Variants in NPR3 observed in about 807,000 individuals in gnomAD.
The protein encoded by NPR3 is natriuretic peptide receptor 3.
In NPR3, 34 loss-of-function variants were observed where a neutral mutation model predicts 54.5. The observed-to-expected ratio is 0.62, with a 90% CI of 0.47 to 0.83. The LOEUF (loss-of-function observed/expected upper bound fraction) is 0.83. NPR3 is among the 40% of genes least tolerant of loss of function. NPR3 has a pLI of 0.00. For missense variants in NPR3, 674 were observed against 720.8 expected (o/e 0.94, Z 0.74); for synonymous variants, 289 against 297.1 (o/e 0.97, Z 0.28).
intron 3 of NPR3, among the ~76,000 whole-genome samples, chr5:32,751,433 G>A (rs112720062): frequency 2.0e-5 from 3 of 152,308 alleles, no homozygotes; most frequent in Non-Finnish European, 4.4e-5. Flanking sequence ...CCAAAGGAGG[G>A]AAGGCAGGGT....
chr5:32,709,846 A>T (rs545806948), upstream of NPR3: 1 of 152,144 alleles, frequency 6.6e-6, no homozygotes, highest in Admixed American at 6.5e-5. Context: ...GCCTCGGAGT[A>T]AAAAACGCAG....
intron 3 of NPR3, among the ~76,000 whole-genome samples, chr5:32,755,140 G>A (rs557943049): frequency 1.3e-5 from 2 of 152,342 alleles, no homozygotes; most frequent in East Asian, 1.9e-4. Flanking sequence ...GATTACAGGC[G>A]TGAGCCACCG....
chr5:32,721,463 C>T (rs1397483260), intron 1 of NPR3, among the ~76,000 whole-genome samples: 2 of 152,078 alleles, frequency 1.3e-5, no homozygotes, highest in African/African-American at 4.8e-5. Flanking sequence ...GCCAACATGA[C>T]AAAACTCTAT....
At chr5:32,755,261 A>G (rs1241253090) in intron 3 of NPR3, among the ~76,000 whole-genome samples, 1 of 152,068 alleles carries the variant, frequency 6.6e-6, no homozygotes, top group Middle Eastern at 3.2e-3. Flanking sequence ...ATCTTAGGTT[A>G]TTTTTCCTTT....
At chr5:32,707,738 G>A (rs1400800982), upstream of NPR3, among the ~76,000 whole-genome samples, 4 of 152,168 alleles carry the variant, frequency 2.6e-5, no homozygotes, top group Non-Finnish European at 2.9e-5. Context: ...TTTAGAGGTT[G>A]CAGCCAGGAT....
chr5:32,774,387 G>T (rs1741926028), intron 3 of NPR3, among the ~76,000 whole-genome samples: 2 of 152,164 alleles, frequency 1.3e-5, no homozygotes, highest in African/African-American at 4.8e-5. Context: ...GATAGAGGCA[G>T]ATGTGGGGAA....
At chr5:32,737,002 C>CT (rs1379089914) in intron 2 of NPR3, among the ~76,000 whole-genome samples, 2 of 152,150 alleles carry the variant, frequency 1.3e-5, no homozygotes, top group African/African-American at 4.8e-5. Flanking sequence ...TTCTTTGTCT[C>CT]TGCCTTTTCT....
chr5:32,741,014 C>G (rs1181543045), intron 3 of NPR3, among the ~76,000 whole-genome samples: 2 of 135,920 alleles, frequency 1.5e-5, no homozygotes, highest in Admixed American at 1.6e-4. Context: ...ACATCAAACT[C>G]TTTTACATAT....
At chr5:32,782,842 G>C in intron 5 of NPR3, 51 bp from the exon 6 acceptor site, 1 of 1,534,312 alleles carries the variant, frequency 6.5e-7, no homozygotes, top group South Asian at 1.3e-5. Flanking sequence ...TGCGAGCTTT[G>C]TGCCTCCTTT....
At chr5:32,710,859 G>GTTTTTTTTTTTTTTT (rs56022335), upstream of NPR3, 2,421 of 977,136 alleles carry the variant, frequency 2.5e-3, 14 homozygotes, top group African/African-American at 5.7e-3. Flanking sequence ...CCCAGTCCTG[G>GTTTTTTTTTTTTTTT]TTTTTTTTTT....
intron 1 of NPR3, among the ~76,000 whole-genome samples, chr5:32,719,454 G>A (rs892138140): frequency 6.6e-6 from 1 of 152,026 alleles, no homozygotes; most frequent in Non-Finnish European, 1.5e-5. Flanking sequence ...ATTTTCCCTC[G>A]AATTGTGACA....
chr5:32,696,897 C>T (rs992951643), intron 1 of NPR3, among the ~76,000 whole-genome samples: 2 of 152,078 alleles, frequency 1.3e-5, no homozygotes, highest in African/African-American at 4.8e-5. Context: ...TTTGTGGAGT[C>T]TTTACATTTT....
At position 32,702,374 on chromosome 5, in the gene NPR3, G is replaced by A. The variant is rs187676174; in HGVS notation, c.100+13188G>A. Among the ~76,000 whole-genome samples the A allele has an allele frequency of 2.5e-3, 385 of 151,422 alleles. 1 individual carries two copies. The highest frequency in any genetic ancestry group is 9.2e-3 in the African/African-American group (380 of 41,246). ...GCTGCACCCAATAACTCGTCATTTA[G>A]CAGTAGGTATATCTCCTAATGCTAT... is the stretch of plus-strand genomic sequence containing the variant. On this transcript the variant is annotated intron_variant, in intron 1 of 5. Coordinates refer to the NPR3 transcript ENST00000509104.
chr5:32,724,981 A>G (rs1579609654), intron 2 of NPR3, among the ~76,000 whole-genome samples, 161 bp downstream of exon 2: 1 of 152,246 alleles, frequency 6.6e-6, no homozygotes, highest in African/African-American at 2.4e-5. Flanking sequence ...CAGCAACATT[A>G]ATGGAGCTGG....
Position 32,693,235 on chromosome 5 carries a change from G to A in NPR3, c.100+4049G>A, listed in dbSNP as rs143700228. The stretch of plus-strand genomic sequence containing the variant: ...TTTAGAAATACATACAAATAAATTT[G>A]TATATAAATGAGCTAATTTCACTTT... On this transcript the variant is annotated intron_variant, in intron 1 of 5. Coordinates refer to the NPR3 transcript ENST00000509104. Among the ~76,000 whole-genome samples, 1,011 of 152,234 alleles carry A rather than the reference G, an allele frequency of 6.6e-3. 2 individuals carry two copies. The highest frequency in any genetic ancestry group is 0.011 in the Non-Finnish European group (746 of 68,012).
intron 1 of NPR3, among the ~76,000 whole-genome samples, chr5:32,719,760 C>T (rs1738747723): frequency 6.7e-6 from 1 of 149,496 alleles, no homozygotes; most frequent in Non-Finnish European, 1.5e-5. Flanking sequence ...ACTTTTCTTA[C>T]CTTCTATTTA....
chr5:32,762,016 C>T (rs1177053615), intron 3 of NPR3, among the ~76,000 whole-genome samples: 1 of 152,148 alleles, frequency 6.6e-6, no homozygotes, highest in Admixed American at 6.6e-5. Context: ...TTCTTCAACT[C>T]CCACTTATGA....
chr5:32,765,284 G>A (rs187801219), intron 3 of NPR3, among the ~76,000 whole-genome samples: 1 of 152,316 alleles, frequency 6.6e-6, no homozygotes, highest in East Asian at 1.9e-4. Context: ...AGGCCTCTGA[G>A]CAGCTAAAAT....
At chr5:32,782,334 G>A (rs1034221466) in intron 5 of NPR3, among the ~76,000 whole-genome samples, 2 of 148,870 alleles carry the variant, frequency 1.3e-5, no homozygotes, top group Admixed American at 6.7e-5. Flanking sequence ...TCGGGTATAC[G>A]GTGGACCCTG....
Sources: gnomAD v4.1 joint callset for allele counts (sites outside exome capture counted in the v4.1 genomes callset) on GRCh38, gnomAD v4.1.1 for gene constraint, MANE v1.5 for transcripts, NCBI Gene and HGNC (gene_info 2026-07-23, HGNC 2026-07-21) for gene names.